HPSE2: variants seen among roughly 807,000 people sequenced by gnomAD.
The protein encoded by HPSE2 is inactive heparanase-2.
Under a neutral mutation model 60.5 loss-of-function variants are expected in HPSE2, and 38 were observed. That is an observed-to-expected ratio of 0.63 (90% CI 0.48 to 0.82). HPSE2 has a LOEUF of 0.82. HPSE2 is among the 40% of genes least tolerant of loss of function. The probability of loss-of-function intolerance (pLI) is 0.00; values close to 1 mark genes in which losing one functional copy is unlikely to be tolerated. For missense variants in HPSE2, 713 were observed against 740.4 expected (o/e 0.96, Z 0.43); for synonymous variants, 295 against 293.2 (o/e 1.01, Z -0.06).
intron 9 of HPSE2, among the ~76,000 whole-genome samples, chr10:98,517,316 A>G (rs553798505): frequency 1.4e-3 from 220 of 152,258 alleles, no homozygotes; most frequent in Admixed American, 2.6e-3. Flanking sequence ...AAATGTCTCC[A>G]GACATTGCTA....
At chr10:98,905,018 C>T (rs760832674) in intron 3 of HPSE2, among the ~76,000 whole-genome samples, 2 of 152,090 alleles carry the variant, frequency 1.3e-5, no homozygotes, top group Non-Finnish European at 2.9e-5. Context: ...ACATTTAATA[C>T]CTTATCGCCA....
At chr10:98,673,336 C>T (rs1378582765) in intron 6 of HPSE2, among the ~76,000 whole-genome samples, 2 of 152,200 alleles carry the variant, frequency 1.3e-5, no homozygotes, top group East Asian at 1.9e-4. Context: ...TCAGAGGCTA[C>T]TCACTCAAGG....
chr10:98,623,657 T>C (rs1946130321), intron 7 of HPSE2, among the ~76,000 whole-genome samples: 1 of 152,228 alleles, frequency 6.6e-6, no homozygotes, highest in African/African-American at 2.4e-5. Context: ...GTTATTATCT[T>C]GGACTTCAAT....
intron 9 of HPSE2, among the ~76,000 whole-genome samples, chr10:98,544,998 A>G (rs2133835768): frequency 6.6e-6 from 1 of 152,144 alleles, no homozygotes; most frequent in African/African-American, 2.4e-5. Context: ...CAGAAATACA[A>G]ACTACCATCA....
At chr10:98,766,511 C>A (rs1950121908) in intron 3 of HPSE2, among the ~76,000 whole-genome samples, 1 of 152,136 alleles carries the variant, frequency 6.6e-6, no homozygotes, top group South Asian at 2.1e-4. Flanking sequence ...CAACATCTCT[C>A]ATAAAAATGT....
At chr10:98,873,967 T>C (rs533950940) in intron 3 of HPSE2, among the ~76,000 whole-genome samples, 2 of 152,276 alleles carry the variant, frequency 1.3e-5, no homozygotes, top group East Asian at 3.9e-4. Flanking sequence ...TGATCAGTGA[T>C]TTTGAGCTTT....
intron 9 of HPSE2, among the ~76,000 whole-genome samples, chr10:98,554,876 C>T (rs1401674028): frequency 6.6e-6 from 1 of 152,112 alleles, no homozygotes; most frequent in East Asian, 1.9e-4. Flanking sequence ...ATTTCCCAAA[C>T]CTTAATTTTT....
chr10:98,474,027 C>T (rs1025494329), intron 11 of HPSE2, among the ~76,000 whole-genome samples: 1 of 152,052 alleles, frequency 6.6e-6, no homozygotes, highest in Non-Finnish European at 1.5e-5. Flanking sequence ...TTAAATGATC[C>T]CAGACAAGTG....
intron 3 of HPSE2, among the ~76,000 whole-genome samples, chr10:98,799,277 C>T (rs1411509190): frequency 2.6e-5 from 4 of 152,014 alleles, no homozygotes; most frequent in Non-Finnish European, 5.9e-5. Flanking sequence ...CTGGAGTGCC[C>T]AGATATGTAA....
Position 98,676,716 on chromosome 10 carries a change from G to A in HPSE2, c.1004+17184C>T, listed in dbSNP as rs546389976. Among the ~76,000 whole-genome samples the A allele has an allele frequency of 3.3e-5, 5 of 152,254 alleles. No individual in the cohort carries two copies. In the East Asian group the frequency reaches 7.7e-4, roughly 24 times the overall value. On this transcript the variant is annotated intron_variant, in intron 6 of 11. Coordinates refer to ENST00000370552, the MANE Select transcript of HPSE2 (RefSeq NM_021828.5). Reference sequence around the variant, plus strand: ...TATGAGGGGACCCCTAGAGATCTAGGCCATGAGACTCTACATTTAGATATA... The same window carrying A: ...TATGAGGGGACCCCTAGAGATCTAGACCATGAGACTCTACATTTAGATATA...
intron 8 of HPSE2, among the ~76,000 whole-genome samples, chr10:98,618,129 G>C (rs1361922000): frequency 6.6e-6 from 1 of 152,128 alleles, no homozygotes; most frequent in Non-Finnish European, 1.5e-5. Flanking sequence ...CAGTGGAGTT[G>C]AGACCAAATG....
intron 7 of HPSE2, among the ~76,000 whole-genome samples, chr10:98,623,343 GGGAAA>G (rs988558634): frequency 1.3e-5 from 2 of 152,060 alleles, no homozygotes; most frequent in African/African-American, 4.8e-5. Flanking sequence ...AGATGGGAGG[GGGAAA>G]GGAGAGTGAT....
At position 99,000,689 on chromosome 10, in the gene HPSE2, T is replaced by C. The variant is rs117550080; in HGVS notation, c.610+143549A>G. 8.8e-4 allele frequency among the ~76,000 whole-genome samples: 134 copies of C among 152,208 alleles called. 1 individual carries two copies. Among genetic ancestry groups the C allele is most frequent in the South Asian group, 1.5e-3 (7 of 4,826 alleles). ...AGATTTCTGAGAGCTAAGGAGAATG[T>C]GAATTGAAAATGGAGGATGTAAGAC... On this transcript the variant is annotated intron_variant, in intron 3 of 11. Transcript: ENST00000370552.
At chr10:98,760,683 T>C (rs1001466862) in intron 3 of HPSE2, among the ~76,000 whole-genome samples, 1 of 152,112 alleles carries the variant, frequency 6.6e-6, no homozygotes, top group African/African-American at 2.4e-5. Context: ...TACTGTGCTG[T>C]TGAATTTGCT....
chr10:98,815,119 T>C (rs991821783), intron 3 of HPSE2, among the ~76,000 whole-genome samples: 2 of 151,888 alleles, frequency 1.3e-5, no homozygotes, highest in African/African-American at 4.8e-5. Context: ...AGTAAAACAA[T>C]AAATAAAAAT....
chr10:98,490,202 G>A lies in HPSE2; in HGVS notation c.1321-6C>T. ...AGGAGAGAGAGCCAGTAGTCCTGAGGAGAATAGAGAGGGAGAGGGTCAGCG... is the reference window on the plus strand; with the variant it reads ...AGGAGAGAGAGCCAGTAGTCCTGAGAAGAATAGAGAGGGAGAGGGTCAGCG... On this transcript the variant is annotated splice_polypyrimidine_tract_variant and splice_region_variant and intron_variant, in intron 9 of 11. Coordinates refer to ENST00000370552, the MANE Select transcript of HPSE2 (RefSeq NM_021828.5). 3 of 1,613,974 alleles carry A rather than the reference G, an allele frequency of 1.9e-6. 1 individual carries two copies.
At chr10:98,461,537 G>C (rs1047199218) in intron 11 of HPSE2, among the ~76,000 whole-genome samples, 43 of 152,154 alleles carry the variant, frequency 2.8e-4, no homozygotes, top group African/African-American at 1.0e-3. Flanking sequence ...TGAGGAGAGT[G>C]GTTCAGTTAC....
At chr10:99,161,406 C>T (rs1056981396) in intron 2 of HPSE2, among the ~76,000 whole-genome samples, 9 of 151,990 alleles carry the variant, frequency 5.9e-5, no homozygotes, top group Admixed American at 3.9e-4. Flanking sequence ...ACCTGGATAA[C>T]CTCAACAACA....
chr10:99,042,561 A>C (rs1957764009), intron 3 of HPSE2, among the ~76,000 whole-genome samples: 1 of 152,036 alleles, frequency 6.6e-6, no homozygotes, highest in South Asian at 2.1e-4. Flanking sequence ...TATGACCAGC[A>C]CTGGAGCCGG....
Sources: allele counts gnomAD v4.1 joint callset (sites outside exome capture counted in the v4.1 genomes callset), GRCh38; gene constraint gnomAD v4.1.1; transcripts MANE v1.5; gene names NCBI Gene and HGNC (gene_info 2026-07-23, HGNC 2026-07-21).